FBXO31: variants seen among roughly 807,000 people sequenced by gnomAD.
FBXO31 encodes the protein F-box only protein 31.
In FBXO31, 24 loss-of-function variants were observed where a neutral mutation model predicts 54.4. The observed-to-expected ratio is 0.44, with a 90% CI of 0.32 to 0.62. FBXO31 has a LOEUF of 0.62. Among genes scored for constraint, FBXO31 ranks in the 20% least tolerant of loss-of-function variants. FBXO31 has a pLI of 0.05. For synonymous variants in FBXO31, 388 were observed against 335.6 expected, an observed-to-expected ratio of 1.16 and a Z score of -1.71; for missense variants, 665 against 787.1, an observed-to-expected ratio of 0.84 and a Z score of 1.86.
At chr16:87,359,278 C>A (rs1906030519) in intron 2 of FBXO31, among the ~76,000 whole-genome samples, 2 of 152,206 alleles carry the variant, frequency 1.3e-5, no homozygotes, top group African/African-American at 4.8e-5. Flanking sequence ...GTGCCCACCC[C>A]CTGCCCTACC....
intron 5 of FBXO31, among the ~76,000 whole-genome samples, chr16:87,337,712 T>C (rs994595107): frequency 9.2e-5 from 14 of 151,970 alleles, no homozygotes; most frequent in African/African-American, 2.9e-4. Flanking sequence ...TGGGTTTTCA[T>C]ATGGAGAAGA....
In FBXO31 at chr16:87,383,467, A is replaced by C; in HGVS notation, c.278T>G (p.Val93Gly). Residue 93 changes from valine (V) to glycine (G), a missense_variant, in exon 1 of 9, where the codon GTC becomes GGC. Transcript: ENST00000311635. The surrounding 1 kb of genome is among the most constrained non-coding windows in gnomAD (Gnocchi z 4.9). ...PGTDLPSLAQ[V>G]CTKFRRILHT... is the part of the protein sequence containing the mutation. ...GAGGATGCGCCGGAACTTCGTGCAGACCTGGGCCAAGCTGGGTAGGTCCGT... is the reference window on the plus strand; with the variant it reads ...GAGGATGCGCCGGAACTTCGTGCAGCCCTGGGCCAAGCTGGGTAGGTCCGT... The C allele has an allele frequency of 1.3e-6, 2 of 1,592,482 alleles. No individual in the cohort carries two copies. Among genetic ancestry groups the C allele is most frequent in the Non-Finnish European group, 1.7e-6 (2 of 1,172,754 alleles).
At chr16:87,357,679 T>A (rs1431510517) in intron 2 of FBXO31, among the ~76,000 whole-genome samples, 1 of 152,212 alleles carries the variant, frequency 6.6e-6, no homozygotes, top group East Asian at 1.9e-4. Flanking sequence ...GCACGGTACC[T>A]CATGCCTGTA....
At chr16:87,349,901 C>G (rs1017040700) in intron 2 of FBXO31, among the ~76,000 whole-genome samples, 4 of 122,942 alleles carry the variant, frequency 3.3e-5, no homozygotes, top group Admixed American at 1.6e-4. Flanking sequence ...AGAGCAAGAC[C>G]CTATCTCAAA....
At chr16:87,376,524 C>G (rs577469515) in intron 1 of FBXO31, among the ~76,000 whole-genome samples, 6 of 152,308 alleles carry the variant, frequency 3.9e-5, no homozygotes, top group African/African-American at 1.2e-4. Flanking sequence ...ATCTGCCCAA[C>G]TTGGCCTCCC....
intron 1 of FBXO31, among the ~76,000 whole-genome samples, chr16:87,375,069 A>G (rs1906763081): frequency 6.6e-6 from 1 of 152,202 alleles, no homozygotes; most frequent in South Asian, 2.1e-4. Context: ...TTGTAATCCC[A>G]GCACTTTGGG....
intron 1 of FBXO31, among the ~76,000 whole-genome samples, chr16:87,365,010 A>AATATATATATACAT (rs1555512906): frequency 2.1e-5 from 1 of 47,684 alleles, no homozygotes; most frequent in African/African-American, 1.0e-4. Context: ...CCGTCTCTTA[A>AATATATATATACAT]ATATATATAT....
In FBXO31 at chr16:87,327,081, G is replaced by T. The variant is rs922753440; in HGVS notation, c.*4207C>A. 1 of 152,330 alleles carries T rather than the reference G, an allele frequency of 6.6e-6. No individual in the cohort carries two copies. The highest frequency in any genetic ancestry group is 1.5e-5 in the Non-Finnish European group (1 of 68,130). 9.4% of individuals were successfully genotyped at this position (152,330 alleles called of 1,614,324 possible). On this transcript the variant is annotated 3_prime_UTR_variant, in exon 9 of 9. Coordinates refer to ENST00000311635, the MANE Select transcript of FBXO31 (RefSeq NM_024735.5). ...AGGATTGCTCCGGTCCTACCTAGTGGGTGCCTACCCAGGCAGGGCACAGCT... is the reference window on the plus strand; with the variant it reads ...AGGATTGCTCCGGTCCTACCTAGTGTGTGCCTACCCAGGCAGGGCACAGCT...
chr16:87,340,287 A>C (rs1426247160), intron 5 of FBXO31, among the ~76,000 whole-genome samples: 1 of 152,242 alleles, frequency 6.6e-6, no homozygotes, highest in Non-Finnish European at 1.5e-5. Context: ...ACTACATCTC[A>C]AAAACAAACA....
At position 87,346,556 on chromosome 16, in the gene FBXO31, G is replaced by A. The variant is rs907413480; in HGVS notation, c.489+618C>T. 3.3e-5 allele frequency among the ~76,000 whole-genome samples: 5 copies of A among 152,186 alleles called. No homozygotes were observed. Among genetic ancestry groups the A allele is most frequent in the African/African-American group, 1.2e-4 (5 of 41,436 alleles). On this transcript the variant is annotated intron_variant, in intron 3 of 8. Coordinates refer to ENST00000311635, the MANE Select transcript of FBXO31 (RefSeq NM_024735.5). The surrounding 1 kb of genome is among the most constrained non-coding windows in gnomAD (Gnocchi z 4.2). Reference sequence around the variant, plus strand: ...CGAACAGGAAAGAAATGTCCTCACGGGTCCTCAGACCCCAACGGCAAGCAG... The same window carrying A: ...CGAACAGGAAAGAAATGTCCTCACGAGTCCTCAGACCCCAACGGCAAGCAG...
intron 1 of FBXO31, among the ~76,000 whole-genome samples, chr16:87,369,041 G>A (rs1157147638): frequency 6.6e-6 from 1 of 151,954 alleles, no homozygotes; most frequent in East Asian, 1.9e-4. Flanking sequence ...TGCCTGCCTC[G>A]GCCTCCCAAA....
intron 5 of FBXO31, among the ~76,000 whole-genome samples, chr16:87,341,734 T>C (rs1905203015): frequency 6.7e-6 from 1 of 148,236 alleles, no homozygotes; most frequent in South Asian, 2.1e-4. Context: ...TAAAATCAAA[T>C]CTAAAATAAC....
At chr16:87,363,703 G>C (rs183239657) in intron 1 of FBXO31, among the ~76,000 whole-genome samples, 2 of 152,188 alleles carry the variant, frequency 1.3e-5, no homozygotes, top group African/African-American at 2.4e-5. Flanking sequence ...AGAATCATGA[G>C]AGAACTGGAC....
intron 1 of FBXO31, among the ~76,000 whole-genome samples, chr16:87,373,555 G>A (rs1222532226): frequency 6.7e-6 from 1 of 150,046 alleles, no homozygotes; most frequent in African/African-American, 2.5e-5. Flanking sequence ...TTTTTGACAG[G>A]GTCTCACTTT....
chr16:87,353,255 G>A (rs1189761144), intron 2 of FBXO31, among the ~76,000 whole-genome samples: 1 of 152,120 alleles, frequency 6.6e-6, no homozygotes, highest in Non-Finnish European at 1.5e-5. Flanking sequence ...AACCCGCCTT[G>A]TACAAAGACC....
intron 1 of FBXO31, among the ~76,000 whole-genome samples, chr16:87,363,882 ATC>A (rs1166687592): frequency 6.6e-6 from 1 of 152,198 alleles, no homozygotes; most frequent in Non-Finnish European, 1.5e-5. Flanking sequence ...GGACCGGATC[ATC>A]TGTCAGCTCC....
intron 1 of FBXO31, among the ~76,000 whole-genome samples, chr16:87,373,378 G>C (rs2150694422): frequency 6.6e-6 from 1 of 152,266 alleles, no homozygotes; most frequent in East Asian, 1.9e-4. Flanking sequence ...CGTGAACCCA[G>C]GAGGTGGAGC....
At position 87,364,339 on chromosome 16, in the gene FBXO31, T is replaced by G. The variant is rs377137203; in HGVS notation, c.341-3973A>C. On this transcript the variant is annotated intron_variant, in intron 1 of 8. Coordinates refer to ENST00000311635, the MANE Select transcript of FBXO31 (RefSeq NM_024735.5). ...TCTGTGCAGCTGCCAGACTCTGCCC[T>G]GAAGAATCACAGGGCACTCTAGTGA... is the stretch of plus-strand genomic sequence containing the variant. 2.0e-4 allele frequency among the ~76,000 whole-genome samples: 31 copies of G among 152,326 alleles called. No homozygotes were observed. In the East Asian group the frequency reaches 2.5e-3, roughly 12 times the overall value.
intron 1 of FBXO31, among the ~76,000 whole-genome samples, chr16:87,374,156 T>G (rs1414924871): frequency 6.6e-6 from 1 of 151,524 alleles, no homozygotes; most frequent in African/African-American, 2.4e-5. Flanking sequence ...GCAGGAGGAT[T>G]CCTCGAGCCT....
Sources: gnomAD v4.1 joint callset for allele counts (sites outside exome capture counted in the v4.1 genomes callset) on GRCh38, gnomAD v4.1.1 for gene constraint, Gnocchi (gnomAD v3.1) non-coding constraint, MANE v1.5 for transcripts, NCBI Gene and HGNC (gene_info 2026-07-23, HGNC 2026-07-21) for gene names.